SEC14L5: variants seen among roughly 807,000 people sequenced by gnomAD.
SEC14L5 encodes SEC14-like protein 5.
In SEC14L5, 96 loss-of-function variants were observed where a neutral mutation model predicts 84.6. That is an observed-to-expected ratio of 1.13 (90% CI 0.96 to 1.34). SEC14L5 has a LOEUF of 1.34. Ranked by LOEUF, SEC14L5 falls within the 40% of genes most tolerant of loss-of-function variation. The pLI, the probability that SEC14L5 is intolerant of heterozygous loss-of-function variation, is 0.00. For synonymous variants in SEC14L5, 546 were observed against 383.4 expected (o/e 1.42, Z -4.95); for missense variants, 1,224 against 942.5 (o/e 1.30, Z -3.91).
chr16:5,010,450 C>G (rs1044412680), intron 14 of SEC14L5, among the ~76,000 whole-genome samples: 2 of 152,166 alleles, frequency 1.3e-5, no homozygotes, highest in African/African-American at 2.4e-5. Flanking sequence ...CCCACATTCT[C>G]CAGGAGGCTG....
chr16:4,963,651 C>T (rs1397049680), intron 2 of SEC14L5, among the ~76,000 whole-genome samples: 1 of 148,358 alleles, frequency 6.7e-6, no homozygotes, highest in Non-Finnish European at 1.5e-5. Context: ...CAGGCTTTTG[C>T]TCCCTTTTTT....
chr16:5,012,940 A>G (rs1955822645), intron 15 of SEC14L5, among the ~76,000 whole-genome samples: 2 of 140,976 alleles, frequency 1.4e-5, no homozygotes, highest in Non-Finnish European at 3.1e-5. Flanking sequence ...TGGGTAATTT[A>G]TAAAGAAAGG....
Position 4,996,854 on chromosome 16 carries a change from G to T in SEC14L5, c.781-1G>T, listed in dbSNP as rs1240453161. 4 of 1,607,828 alleles carry T rather than the reference G, an allele frequency of 2.5e-6. No individual in the cohort carries two copies. The South Asian group carries it at 4.4e-5, about 18-fold the overall frequency. On this transcript the variant is annotated splice_acceptor_variant, in intron 7 of 15. Transcript: ENST00000251170. LOFTEE classifies it high-confidence loss of function. ...GGGCTTTTTACTTCTTTGTCTCTCA[G>T]ATTCCCAAAGATGAGCACATCCTTC...
intron 2 of SEC14L5, among the ~76,000 whole-genome samples, chr16:4,982,800 A>C (rs2142497487): frequency 6.6e-6 from 1 of 152,234 alleles, no homozygotes; most frequent in Non-Finnish European, 1.5e-5. Flanking sequence ...TAACCCACCC[A>C]AGGTCACACA....
intron 10 of SEC14L5, 49 bp downstream of exon 10, chr16:5,000,974 G>C (rs1178392735): frequency 1.5e-6 from 2 of 1,375,412 alleles, no homozygotes; most frequent in South Asian, 2.5e-5. Context: ...CAAAGACGGA[G>C]GGTGGAGAGG....
intron 15 of SEC14L5, among the ~76,000 whole-genome samples, chr16:5,014,473 T>G (rs1166677161): frequency 6.6e-6 from 1 of 152,250 alleles, no homozygotes; most frequent in Non-Finnish European, 1.5e-5. Flanking sequence ...GAGAATGGGC[T>G]TCTGCCTCAG....
rs770062361 is a variant in SEC14L5 at position 4,959,286 on chromosome 16, C to G, written c.-38C>G. 1.3e-6 allele frequency: 2 copies of G among 1,564,336 alleles called. No homozygotes were observed. Among genetic ancestry groups the G allele is most frequent in the South Asian group, 1.1e-5 (1 of 90,064 alleles). ...TCCTCGCCCCAGGCTCTGTGCACAC[C>G]CCTGCCTGGTGACCTCCATTGGTGC... On this transcript the variant is annotated 5_prime_UTR_variant, in exon 2 of 16. Transcript: ENST00000251170.
chr16:4,977,443 T>A, intron 2 of SEC14L5, among the ~76,000 whole-genome samples: 1 of 18,390 alleles, frequency 5.4e-5, no homozygotes, highest in South Asian at 4.3e-3. Context: ...TGAGACTCCG[T>A]CTCAAAAAAA....
chr16:5,014,856 C>T lies in SEC14L5; in HGVS notation c.1980-3C>T, dbSNP rs764249789. On this transcript the variant is annotated splice_polypyrimidine_tract_variant and splice_region_variant and intron_variant, in intron 15 of 15. Coordinates refer to ENST00000251170, the MANE Select transcript of SEC14L5 (RefSeq NM_014692.2). ...TAACGTGTGCCACGCCCTTCCTCCC[C>T]AGGGGCTCCATGTCCAGCCTGGAAT... 1.9e-6 allele frequency: 3 copies of T among 1,612,622 alleles called. No individual in the cohort carries two copies. Among genetic ancestry groups the T allele is most frequent in the Non-Finnish European group, 2.5e-6 (3 of 1,178,862 alleles).
At chr16:4,982,283 C>T (rs1955433419) in intron 2 of SEC14L5, among the ~76,000 whole-genome samples, 1 of 152,154 alleles carries the variant, frequency 6.6e-6, no homozygotes, top group Non-Finnish European at 1.5e-5. Flanking sequence ...CAGATGCCGG[C>T]ACTATTTTTG....
At chr16:4,978,763 C>T (rs529718919) in intron 2 of SEC14L5, among the ~76,000 whole-genome samples, 7 of 147,532 alleles carry the variant, frequency 4.7e-5, no homozygotes, top group South Asian at 4.9e-4. Context: ...CCACCACGCT[C>T]GGCTAATCTT....
chr16:4,962,636 C>G (rs575318585), intron 2 of SEC14L5, among the ~76,000 whole-genome samples: 2 of 140,630 alleles, frequency 1.4e-5, no homozygotes, highest in African/African-American at 5.3e-5. Flanking sequence ...TGCAGGGAGC[C>G]GAGATCGTGC....
intron 2 of SEC14L5, among the ~76,000 whole-genome samples, chr16:4,962,705 A>C (rs1000500006): frequency 6.6e-6 from 1 of 150,916 alleles, no homozygotes; most frequent in Non-Finnish European, 1.5e-5. Flanking sequence ...AAAAAAAAAA[A>C]AAACTTCCTT....
chr16:5,011,237 T>A lies in SEC14L5; in HGVS notation c.1943T>A (p.Leu648His). Residue 648 changes from leucine (L) to histidine (H), a missense_variant, in exon 15 of 16, where the codon CTC becomes CAC. Coordinates refer to ENST00000251170, the MANE Select transcript of SEC14L5 (RefSeq NM_014692.2). Reference sequence around the variant, plus strand: ...AGCCCCGGGCCCAAGTGCAAACTTCTCTACTACTGTGAGGTGCTCGCCTCT... The same window carrying A: ...AGCCCCGGGCCCAAGTGCAAACTTCACTACTACTGTGAGGTGCTCGCCTCT... ...LHSPGPKCKL[L>H]YYCEVLASED... 6.2e-7 allele frequency: 1 copy of A among 1,613,866 alleles called. No individual in the cohort carries two copies. Among genetic ancestry groups the A allele is most frequent in the South Asian group, 1.1e-5 (1 of 91,080 alleles).
chr16:5,007,907 C>CTTT (rs1191230078), intron 13 of SEC14L5, among the ~76,000 whole-genome samples: 14 of 110,100 alleles, frequency 1.3e-4, no homozygotes, highest in South Asian at 3.0e-4. Context: ...CGCCTGGCCT[C>CTTT]TTTTTTTTTT....
chr16:4,985,460 T>G (rs1038289861), intron 2 of SEC14L5, among the ~76,000 whole-genome samples: 1 of 152,268 alleles, frequency 6.6e-6, no homozygotes, highest in African/African-American at 2.4e-5. Flanking sequence ...GCTCCTGACC[T>G]TCGGTGATCC....
rs1955666404 is a variant in SEC14L5 at position 5,000,755 on chromosome 16, G to T, written c.1059+12G>T. On this transcript the variant is annotated intron_variant, in intron 9 of 15. Transcript: ENST00000251170. Reference sequence around the variant, plus strand: ...CGCTGCTGCGGCATGTGAGTCAGGGGCCTCGTTCCTGGACGCCGTGCCTGG... The same window carrying T: ...CGCTGCTGCGGCATGTGAGTCAGGGTCCTCGTTCCTGGACGCCGTGCCTGG... 1 of 1,553,476 alleles carries T rather than the reference G, an allele frequency of 6.4e-7. No homozygotes were observed. Among genetic ancestry groups the T allele is most frequent in the Non-Finnish European group, 8.7e-7 (1 of 1,148,062 alleles).
intron 8 of SEC14L5, among the ~76,000 whole-genome samples, chr16:4,997,888 G>A (rs1955628817): frequency 6.6e-6 from 1 of 151,534 alleles, no homozygotes; most frequent in African/African-American, 2.4e-5. Flanking sequence ...CTGTGTCCTC[G>A]CCTCTTCTCA....
intron 2 of SEC14L5, among the ~76,000 whole-genome samples, chr16:4,962,165 C>CAAAAAAAAAAAAAAA (rs540573784): frequency 1.4e-5 from 1 of 72,944 alleles, no homozygotes; most frequent in Non-Finnish European, 2.7e-5. Flanking sequence ...GACTCTGTCT[C>CAAAAAAAAAAAAAAA]AAAAAAAAAA....
Sources: allele counts gnomAD v4.1 joint callset (sites outside exome capture counted in the v4.1 genomes callset), GRCh38; gene constraint gnomAD v4.1.1; transcripts MANE v1.5; gene names NCBI Gene and HGNC (gene_info 2026-07-23, HGNC 2026-07-21).